Variants in C6orf62 observed in about 807,000 individuals in gnomAD.
C6orf62 encodes the protein chromosome 6 open reading frame 62.
A neutral mutation model predicts 26.8 loss-of-function variants in C6orf62; 16 were observed. That is an observed-to-expected ratio of 0.60 (90% CI 0.40 to 0.91). C6orf62 has a LOEUF of 0.91. C6orf62 is among the 40% of genes least tolerant of loss of function. The pLI is 0.00. For missense variants in C6orf62, 192 were observed against 271.4 expected (o/e 0.71, Z 2.06); for synonymous variants, 112 against 91.5 (o/e 1.22, Z -1.28).
At chr6:24,708,329 C>A (rs796475085) in intron 4 of C6orf62, among the ~76,000 whole-genome samples, 1 of 150,388 alleles carries the variant, frequency 6.6e-6, no homozygotes, top group South Asian at 2.1e-4. Context: ...TACAGTGAGG[C>A]CTGGGAAATA....
intron 2 of C6orf62, among the ~76,000 whole-genome samples, chr6:24,715,706 G>C (rs1397429143): frequency 2.0e-5 from 3 of 151,896 alleles, no homozygotes; most frequent in Admixed American, 6.6e-5. Context: ...AAATTAGCCA[G>C]GCATGGTGGC....
At chr6:24,719,493 T>G (rs1025564802), upstream of C6orf62, 11 of 1,117,298 alleles carry the variant, frequency 9.8e-6, no homozygotes, top group Non-Finnish European at 1.2e-5. Context: ...CATTACCAAC[T>G]TCCCCATCAC....
At chr6:24,719,662 T>C (rs1779314286), upstream of C6orf62, 8 of 1,455,402 alleles carry the variant, frequency 5.5e-6, no homozygotes, top group African/African-American at 4.3e-5. Context: ...CAACTAGTCC[T>C]ACATTCCCCA....
Position 24,711,169 on chromosome 6 carries a change from G to T in C6orf62, c.430-2258C>A, listed in dbSNP as rs552106706. 2.8e-4 allele frequency among the ~76,000 whole-genome samples: 42 copies of T among 152,178 alleles called. 1 individual carries two copies. The highest frequency in any genetic ancestry group is 9.9e-4 in the African/African-American group (41 of 41,496). ...AAAAGGTTTGAGTGAGACTGAAAAA[G>T]GCCTTCCTTATAGTTCTTTAGCATT... On this transcript the variant is annotated intron_variant, in intron 3 of 4. Transcript: ENST00000378119.
At chr6:24,711,282 G>A (rs1779116229) in intron 3 of C6orf62, among the ~76,000 whole-genome samples, 1 of 149,330 alleles carries the variant, frequency 6.7e-6, no homozygotes, top group Non-Finnish European at 1.5e-5. Flanking sequence ...CTTCTCATAA[G>A]CAGCATGAAA....
chr6:24,707,010 T>G (rs1179197067), intron 4 of C6orf62: 1 of 152,226 alleles, frequency 6.6e-6, no homozygotes, highest in African/African-American at 2.4e-5. Context: ...AAAAAGTAGT[T>G]ACCATTTGAA....
chr6:24,713,835 A>G (rs917668298), intron 3 of C6orf62, among the ~76,000 whole-genome samples: 3 of 152,196 alleles, frequency 2.0e-5, no homozygotes, highest in African/African-American at 7.2e-5. Flanking sequence ...TACCATGACA[A>G]ACAGTCAAAA....
chr6:24,705,093 CAGT>C lies in C6orf62; in HGVS notation c.*1041_*1043del, dbSNP rs1447114480. On this transcript the variant is annotated 3_prime_UTR_variant, in exon 5 of 5. Transcript: ENST00000378119. ...AAGGAGAAAAAAAAAAAAACCTATACAGTAGTCTTTCCTTATGTTCATTGCACA... is the reference window on the plus strand; with the variant it reads ...AAGGAGAAAAAAAAAAAAACCTATACAGTCTTTCCTTATGTTCATTGCACA... 1.3e-5 allele frequency: 2 copies of C among 151,058 alleles called. No individual in the cohort carries two copies. The highest frequency in any genetic ancestry group is 4.9e-5 in the African/African-American group (2 of 41,092). The allele number at this position is 151,058 out of a possible 1,614,324, so 9.4% of individuals were successfully genotyped here.
intron 3 of C6orf62, chr6:24,709,930 G>C (rs763675685): frequency 8.1e-6 from 8 of 985,362 alleles, no homozygotes; most frequent in Non-Finnish European, 9.6e-6. Flanking sequence ...AAAACAGTAG[G>C]AAATAATAAC....
intron 3 of C6orf62, chr6:24,709,236 C>T (rs1263962219): frequency 1.0e-6 from 1 of 985,068 alleles, no homozygotes; most frequent in Non-Finnish European, 1.2e-6. Flanking sequence ...CAGTACACTC[C>T]ACAACAGCAG....
At chr6:24,711,257 A>AC (rs1554192457) in intron 3 of C6orf62, among the ~76,000 whole-genome samples, 27 of 151,064 alleles carry the variant, frequency 1.8e-4, no homozygotes, top group African/African-American at 5.4e-4. Flanking sequence ...CACACACACA[A>AC]ACACACACAC....
chr6:24,716,253 G>A lies in C6orf62; in HGVS notation c.201C>T (p.Ile67=), dbSNP rs1339292915. The A allele has an allele frequency of 1.2e-6, 2 of 1,613,502 alleles. No homozygotes were observed. Among genetic ancestry groups the A allele is most frequent in the Non-Finnish European group, 1.7e-6 (2 of 1,179,502 alleles). ...PVMTNNYEEN[I]LKGVRDSSYS... is the part of the protein sequence containing the mutation. ...AGCTGGAATCTCGCACACCTTTCAG[G>A]ATATTTTCTTCATAATTATTTGTCA... Residue 67 remains isoleucine (I), a synonymous_variant, in exon 2 of 5, where the codon ATC becomes ATT. Coordinates refer to ENST00000378119, the MANE Select transcript of C6orf62 (RefSeq NM_030939.5).
At chr6:24,719,616 C>A, upstream of C6orf62, 1 of 1,428,912 alleles carries the variant, frequency 7.0e-7, no homozygotes, top group Non-Finnish European at 9.1e-7. Context: ...GTGGTTAGAC[C>A]TGATTAATGC....
rs377317383 is a variant in C6orf62, at chr6:24,718,205, A to T, written c.129+335T>A. On this transcript the variant is annotated intron_variant, in intron 1 of 4. Transcript: ENST00000378119. The stretch of plus-strand genomic sequence containing the variant: ...CTTTCAACCATCTTATTTATACTCT[A>T]CATTAGATAATCTTTAAATTCCATC... Among the ~76,000 whole-genome samples the T allele has an allele frequency of 4.1e-4, 63 of 152,358 alleles. 1 individual carries two copies. In the Middle Eastern group the frequency reaches 0.01, roughly 25 times the overall value.
In C6orf62 at chr6:24,716,220, C is replaced by T; in HGVS notation, c.234G>A (p.Leu78=). Residue 78 remains leucine, a synonymous_variant, in exon 2 of 5, where the codon TTG becomes TTA. Coordinates refer to ENST00000378119, the MANE Select transcript of C6orf62 (RefSeq NM_030939.5). ...LKGVRDSSYS[L]ESSLELLQKD... is the part of the protein sequence containing the mutation. Reference sequence around the variant, plus strand: ...TCTGTAAAAGCTCTAGGGAACTTTCCAAGGAATAGCTGGAATCTCGCACAC... The same window carrying T: ...TCTGTAAAAGCTCTAGGGAACTTTCTAAGGAATAGCTGGAATCTCGCACAC... 6.2e-7 allele frequency: 1 copy of T among 1,613,772 alleles called. No homozygotes were observed.
chr6:24,708,626 C>T, intron 4 of C6orf62, 151 bp downstream of exon 4: 2 of 1,030,962 alleles, frequency 1.9e-6, no homozygotes, highest in Admixed American at 2.3e-5. Context: ...GCATGAGCCA[C>T]CATGCCCAGC....
chr6:24,718,841 C>CT lies in C6orf62; in HGVS notation c.-174dup. 6.8e-7 allele frequency: 1 copy of CT among 1,462,876 alleles called. No individual in the cohort carries two copies. The highest frequency in any genetic ancestry group is 9.0e-7 in the Non-Finnish European group (1 of 1,116,556). 90.6% of individuals were successfully genotyped at this position (1,462,876 alleles called of 1,614,324 possible). On this transcript the variant is annotated 5_prime_UTR_variant, in exon 1 of 5. An upstream open reading frame in the 5' UTR loses its in-frame stop. Coordinates refer to ENST00000378119, the MANE Select transcript of C6orf62 (RefSeq NM_030939.5). ...TGCACCTTCTGTCAATATTAGCAGA[C>CT]TGTCATATTACAGGGTCAAGAAACA...
chr6:24,709,859 G>A (rs941540890), intron 3 of C6orf62: 71 of 983,370 alleles, frequency 7.2e-5, no homozygotes, highest in Non-Finnish European at 8.3e-5. Context: ...AGACAATACT[G>A]AGTTGTACAA....
upstream of C6orf62, chr6:24,720,297 C>T (rs1234797787): frequency 5.4e-6 from 7 of 1,285,040 alleles, no homozygotes; most frequent in African/African-American, 1.6e-5. Context: ...GCGGCGGCGG[C>T]GGGGGCGCTG....
Sources: gnomAD v4.1 joint callset for allele counts (sites outside exome capture counted in the v4.1 genomes callset) on GRCh38, gnomAD v4.1.1 for gene constraint, MANE v1.5 for transcripts, NCBI Gene and HGNC (gene_info 2026-07-23, HGNC 2026-07-21) for gene names.